The following DNAH5 variants were observed in gnomAD, a reference collection of about 807,000 sequenced individuals.
DNAH5 encodes the protein axonemal beta dynein heavy chain 5.
Under a neutral mutation model 518.2 loss-of-function variants are expected in DNAH5, and 372 were observed. The ratio of observed to expected loss-of-function variants is 0.72; its 90% CI spans 0.66 to 0.78. The LOEUF (loss-of-function observed/expected upper bound fraction) is 0.78. DNAH5 is among the 30% of genes least tolerant of loss of function. DNAH5 has a pLI of 0.00. For missense variants in DNAH5, 5,523 were observed against 5,687.0 expected (o/e 0.97, Z 0.93); for synonymous variants, 2,039 against 2,025.9 (o/e 1.01, Z -0.17).
intron 65 of DNAH5, among the ~76,000 whole-genome samples, chr5:13,740,642 T>C (rs1015893601): frequency 6.6e-6 from 1 of 151,786 alleles, no homozygotes; most frequent in African/African-American, 2.4e-5. Flanking sequence ...CCAGGAAACA[T>C]GCTTTGAGAC....
At chr5:13,891,343 A>G (rs1773190615) in intron 16 of DNAH5, among the ~76,000 whole-genome samples, 1 of 152,222 alleles carries the variant, frequency 6.6e-6, no homozygotes, top group South Asian at 2.1e-4. Flanking sequence ...TGGAAAATCT[A>G]TCTTGGTAGC....
chr5:13,735,362 CT>C, intron 67 of DNAH5, 41 bp from the exon 68 acceptor site: 3 of 1,576,880 alleles, frequency 1.9e-6, no homozygotes, highest in Non-Finnish European at 2.6e-6. Flanking sequence ...TCCCACTGCC[CT>C]TTTCAATTGT....
At chr5:14,000,452 C>T (rs529419769) in intron 1 of DNAH5, among the ~76,000 whole-genome samples, 24 of 152,276 alleles carry the variant, frequency 1.6e-4, no homozygotes, top group Middle Eastern at 6.8e-3. Flanking sequence ...TTTAGTGCTG[C>T]GGCCCTAGAA....
intron 58 of DNAH5, 90 bp downstream of exon 58, chr5:13,768,870 T>C (rs558221130): frequency 7.1e-6 from 10 of 1,402,946 alleles, no homozygotes; most frequent in African/African-American, 2.8e-5. Flanking sequence ...TCTGAACCAG[T>C]AGAGCATTTC....
chr5:14,000,852 T>C (rs575189198), intron 1 of DNAH5, among the ~76,000 whole-genome samples: 5 of 152,270 alleles, frequency 3.3e-5, no homozygotes, highest in African/African-American at 1.2e-4. Context: ...GGTATGTTCA[T>C]TGCAGCACGG....
intron 29 of DNAH5, among the ~76,000 whole-genome samples, chr5:13,860,033 A>G (rs1049909031): frequency 1.3e-5 from 2 of 152,286 alleles, no homozygotes; most frequent in East Asian, 1.9e-4. Flanking sequence ...AACTAATTCA[A>G]TCTTCAAATA....
chr5:13,807,738 G>A lies in DNAH5; in HGVS notation c.7753-13C>T, dbSNP rs1254013987. The A allele has an allele frequency of 1.3e-6, 2 of 1,591,532 alleles. No homozygotes were observed. The highest frequency in any genetic ancestry group is 1.1e-5 in the South Asian group (1 of 88,160). ...TTAATAGCACAGCCTAAAATAGAGG[G>A]AATTGAAAAAAAAAGAAATGAAATA... On this transcript the variant is annotated splice_polypyrimidine_tract_variant and intron_variant, in intron 46 of 78. Transcript: ENST00000265104.
chr5:14,004,809 C>A (rs887063617), intron 1 of DNAH5, among the ~76,000 whole-genome samples: 36 of 152,182 alleles, frequency 2.4e-4, no homozygotes, highest in African/African-American at 8.7e-4. Flanking sequence ...ACTGACTTAA[C>A]CTCTCTGAGC....
intron 47 of DNAH5, among the ~76,000 whole-genome samples, chr5:13,799,435 A>G (rs1758394936): frequency 6.6e-6 from 1 of 152,002 alleles, no homozygotes; most frequent in Non-Finnish European, 1.5e-5. Context: ...CCACACACCT[A>G]TATTTTCTTC....
chr5:13,935,118 T>C (rs1240445016), intron 1 of DNAH5, among the ~76,000 whole-genome samples: 1 of 151,964 alleles, frequency 6.6e-6, no homozygotes, highest in Admixed American at 6.6e-5. Flanking sequence ...AAACTAAAAA[T>C]AAAAGAAGTA....
At chr5:13,750,928 AAAAAG>A (rs1580055600) in intron 65 of DNAH5, 145 bp downstream of exon 65, 1 of 894,780 alleles carries the variant, frequency 1.1e-6, no homozygotes, top group East Asian at 2.7e-5. Flanking sequence ...CCTTTAGGAA[AAAAAG>A]AAAACACTTG....
In DNAH5 at chr5:13,810,095, C is replaced by A; in HGVS notation, c.7573G>T (p.Gly2525Trp). Residue 2525 changes from glycine (G) to tryptophan (W), a missense_variant, in exon 45 of 79, where the codon GGG becomes TGG. Around this residue, in one of 3 missense-constraint regions of DNAH5, gnomAD observed 5,121 missense variants for 5,223.3 expected, o/e 0.98. Transcript: ENST00000265104. ...ACATAGTAGTCGAAGGCGGTGTCCC[C>A]GGGCCCCGCTGGCGGCGGCAGCTCC... ...TLELPPPAGP[G>W]DTAFDYYVAP... 6.4e-7 allele frequency: 1 copy of A among 1,552,660 alleles called. No individual in the cohort carries two copies. Among genetic ancestry groups the A allele is most frequent in the East Asian group, 2.4e-5 (1 of 41,220 alleles).
upstream of DNAH5, among the ~76,000 whole-genome samples, chr5:13,948,882 A>G (rs576950056): frequency 9.8e-5 from 15 of 152,344 alleles, no homozygotes; most frequent in African/African-American, 3.6e-4. Flanking sequence ...CAAACAACCT[A>G]AAAATGAATA....
At position 13,744,441 on chromosome 5, in the gene DNAH5, AC is replaced by A. The variant is rs1749049563; in HGVS notation, c.11211+6636del. Among the ~76,000 whole-genome samples the A allele has an allele frequency of 2.6e-5, 4 of 152,022 alleles. No homozygotes were observed. In the South Asian group the frequency reaches 6.2e-4, roughly 24 times the overall value. ...TTTTATAGCATTACAGGATGACTGT[AC>A]TTAATGATTATATTATATAATTTCA... is the stretch of plus-strand genomic sequence containing the variant. On this transcript the variant is annotated intron_variant, in intron 65 of 78. Transcript: ENST00000265104.
chr5:13,719,119 C>T lies in DNAH5; in HGVS notation c.12280-18G>A, dbSNP rs776949405. ...CATCCTCCCTGTCAATAGCAGTAAA[C>T]GGAAATTAGGTAGTTTTGTATTTCA... On this transcript the variant is annotated intron_variant, in intron 71 of 78. Transcript: ENST00000265104. 2.8e-5 allele frequency: 45 copies of T among 1,595,146 alleles called. No homozygotes were observed. The highest frequency in any genetic ancestry group is 7.7e-5 in the South Asian group (7 of 90,558).
intron 47 of DNAH5, among the ~76,000 whole-genome samples, chr5:13,807,021 A>G (rs1172841909): frequency 1.3e-5 from 2 of 152,214 alleles, no homozygotes; most frequent in Admixed American, 6.5e-5. Context: ...AGAGAATTCA[A>G]CTTGAACCAA....
chr5:13,705,086 G>A (rs1742603145), intron 76 of DNAH5, among the ~76,000 whole-genome samples: 1 of 151,962 alleles, frequency 6.6e-6, no homozygotes, highest in South Asian at 2.1e-4. Context: ...CCGCCTCCCA[G>A]GTTCACGCCA....
chr5:13,758,918 G>A lies in DNAH5; in HGVS notation c.10347C>T (p.Ala3449=), dbSNP rs150773884. Residue 3449 remains alanine (A), a synonymous_variant, in exon 61 of 79, where the codon GCC becomes GCT. Transcript: ENST00000265104. ...GTTCCGCCTGCTTGTCATCCAACTCGGCCTGGGCTTTCTGCAGATCCTGCA... is the reference window on the plus strand; with the variant it reads ...GTTCCGCCTGCTTGTCATCCAACTCAGCCTGGGCTTTCTGCAGATCCTGCA... The part of the protein sequence containing the change: ...LAMQDLQKAQ[A]ELDDKQAELD... 140 of 1,614,084 alleles carry A rather than the reference G, an allele frequency of 8.7e-5. 2 individuals carry two copies. In the East Asian group the frequency reaches 2.1e-3, roughly 24 times the overall value.
At chr5:13,789,062 C>G in intron 50 of DNAH5, 148 bp from the exon 51 acceptor site, 1 of 684,308 alleles carries the variant, frequency 1.5e-6, no homozygotes, top group Non-Finnish European at 2.5e-6. Context: ...AACTTCACTT[C>G]AAATTGTCCT....
Sources: allele counts gnomAD v4.1 joint callset (sites outside exome capture counted in the v4.1 genomes callset), GRCh38; gene constraint gnomAD v4.1.1; regional missense constraint gnomAD v4.1.1; transcripts MANE v1.5; gene names NCBI Gene and HGNC (gene_info 2026-07-23, HGNC 2026-07-21).